The following NAV3 variants were observed in gnomAD, a reference collection of about 807,000 sequenced individuals.
The protein encoded by NAV3 is neuron navigator 3.
Under a neutral mutation model 244.7 loss-of-function variants are expected in NAV3, and 87 were observed. That is an observed-to-expected ratio of 0.36 (90% confidence interval 0.30 to 0.42). NAV3 has a LOEUF of 0.42. Among genes scored for constraint, NAV3 ranks in the 20% least tolerant of loss-of-function variants. NAV3 has a pLI of 1.00. For synonymous variants in NAV3, 1,126 were observed against 1,042.2 expected, an observed-to-expected ratio of 1.08 and a Z score of -1.55; for missense variants, 2,663 against 2,893.3, an observed-to-expected ratio of 0.92 and a Z score of 1.83.
intron 2 of NAV3, among the ~76,000 whole-genome samples, chr12:77,634,625 T>C (rs1369171543): frequency 6.6e-6 from 1 of 152,168 alleles, no homozygotes; most frequent in Middle Eastern, 3.2e-3. Context: ...TAGTGTAAAA[T>C]TTTAGAACAG....
chr12:77,875,859 G>A lies in NAV3; in HGVS notation c.243+44155G>A, dbSNP rs1196876854. On this transcript the variant is annotated intron_variant, in intron 1 of 39. Transcript: ENST00000397909. ...CTATTCATGTGTTCATCTATCAATA[G>A]GCAATACTTAAGAGGATCCATAATC... 2.0e-5 allele frequency among the ~76,000 whole-genome samples: 3 copies of A among 151,796 alleles called. No individual in the cohort carries two copies. The East Asian group carries it at 5.8e-4, about 29-fold the overall frequency.
intron 8 of NAV3, among the ~76,000 whole-genome samples, chr12:78,018,734 A>G (rs1205426427): frequency 6.6e-6 from 1 of 152,246 alleles, no homozygotes; most frequent in East Asian, 1.9e-4. Flanking sequence ...CTTTGCAGGC[A>G]GCCAGTCAGC....
chr12:77,736,245 A>G (rs1727846), intron 2 of NAV3, among the ~76,000 whole-genome samples: 6,824 of 152,312 alleles, frequency 0.045, 519 homozygotes, highest in African/African-American at 0.16. Context: ...AGGTCAATGT[A>G]TACACACACT....
intron 2 of NAV3, among the ~76,000 whole-genome samples, chr12:77,631,310 G>A (rs1871884007): frequency 1.3e-5 from 2 of 151,878 alleles, no homozygotes; most frequent in Admixed American, 6.6e-5. Flanking sequence ...GGACACCAGG[G>A]TACCATTTGG....
At chr12:77,873,990 G>A (rs1246675648) in intron 1 of NAV3, among the ~76,000 whole-genome samples, 1 of 151,474 alleles carries the variant, frequency 6.6e-6, no homozygotes, top group East Asian at 2.0e-4. Flanking sequence ...CAGATCAGCA[G>A]TGGCATTAGA....
chr12:77,820,404 G>A (rs905023207), intron 2 of NAV3, among the ~76,000 whole-genome samples: 26 of 152,224 alleles, frequency 1.7e-4, no homozygotes, highest in Non-Finnish European at 1.0e-4. Context: ...ATGTTAGAAG[G>A]TGGAAAGGCA....
intron 22 of NAV3, among the ~76,000 whole-genome samples, chr12:78,158,088 T>C (rs1360045876): frequency 6.6e-6 from 1 of 152,158 alleles, no homozygotes; most frequent in Non-Finnish European, 1.5e-5. Flanking sequence ...TTGTGATCCA[T>C]TTGATAGTAG....
intron 9 of NAV3, among the ~76,000 whole-genome samples, chr12:78,043,213 C>T (rs1239532612): frequency 6.6e-6 from 1 of 151,976 alleles, no homozygotes; most frequent in Non-Finnish European, 1.5e-5. Flanking sequence ...TGTTAGTTTG[C>T]AGAGAATGGT....
At chr12:77,994,978 G>T in intron 6 of NAV3, 107 bp downstream of exon 6, 1 of 722,204 alleles carries the variant, frequency 1.4e-6, no homozygotes, top group Non-Finnish European at 2.2e-6. Flanking sequence ...TGAATGAGAA[G>T]TTTAGAGCAC....
At chr12:77,909,251 T>A (rs1426448025) in intron 1 of NAV3, among the ~76,000 whole-genome samples, 1 of 152,114 alleles carries the variant, frequency 6.6e-6, no homozygotes, top group African/African-American at 2.4e-5. Context: ...ACTATCTGTA[T>A]CTTAACATAT....
intron 8 of NAV3, among the ~76,000 whole-genome samples, chr12:78,009,175 A>G (rs1245945621): frequency 6.6e-6 from 1 of 152,160 alleles, no homozygotes; most frequent in African/African-American, 2.4e-5. Flanking sequence ...AATATCAAAA[A>G]CAGGAAGCAG....
At chr12:77,637,870 C>A (rs1316943283) in intron 2 of NAV3, among the ~76,000 whole-genome samples, 1 of 152,162 alleles carries the variant, frequency 6.6e-6, no homozygotes, top group Non-Finnish European at 1.5e-5. Flanking sequence ...GTAAATGGTA[C>A]TGTGATATGG....
At chr12:77,611,271 A>G (rs9669318) in intron 2 of NAV3, among the ~76,000 whole-genome samples, 32,628 of 151,858 alleles carry the variant, frequency 0.21, 3,721 homozygotes, top group Admixed American at 0.28. Context: ...TTACTGGACC[A>G]TTTTGTTTAT....
chr12:77,656,378 T>C (rs897626482), intron 2 of NAV3, among the ~76,000 whole-genome samples: 5 of 124,082 alleles, frequency 4.0e-5, no homozygotes, highest in Non-Finnish European at 8.1e-5. Flanking sequence ...TACATAATGG[T>C]AAAGGGATCA....
chr12:77,808,937 G>A (rs1036652179), intron 2 of NAV3, among the ~76,000 whole-genome samples: 18 of 152,268 alleles, frequency 1.2e-4, no homozygotes, highest in Admixed American at 5.9e-4. Context: ...GGTGGGCTCC[G>A]CCCAGTTCGA....
intron 2 of NAV3, among the ~76,000 whole-genome samples, chr12:77,766,009 A>G (rs1349845314): frequency 1.3e-5 from 2 of 152,208 alleles, no homozygotes; most frequent in African/African-American, 2.4e-5. Flanking sequence ...GGCATGAGGG[A>G]GAGGCAGAAA....
At chr12:77,677,349 T>C (rs902688819) in intron 2 of NAV3, among the ~76,000 whole-genome samples, 6 of 152,250 alleles carry the variant, frequency 3.9e-5, no homozygotes, top group African/African-American at 1.4e-4. Context: ...AAAAATGGAA[T>C]GTCACACATT....
intron 16 of NAV3, among the ~76,000 whole-genome samples, chr12:78,126,707 T>C (rs1267792926): frequency 6.6e-6 from 1 of 152,202 alleles, no homozygotes; most frequent in East Asian, 1.9e-4. Flanking sequence ...CATGCCTTTT[T>C]ATTAAAAATA....
chr12:78,116,679 T>C, intron 12 of NAV3, 93 bp from the exon 13 acceptor site: 1 of 1,278,606 alleles, frequency 7.8e-7, no homozygotes, highest in African/African-American at 1.5e-5. Flanking sequence ...AAGAATGTCT[T>C]AATAATAAAT....
Sources: allele counts gnomAD v4.1 joint callset (sites outside exome capture counted in the v4.1 genomes callset), GRCh38; gene constraint gnomAD v4.1.1; transcripts MANE v1.5; gene names NCBI Gene and HGNC (gene_info 2026-07-23, HGNC 2026-07-21).